Variants in ANO2 observed in about 807,000 individuals in gnomAD.
ANO2 encodes anoctamin 2, also known as anoctamin-2.
Under a neutral mutation model 124.2 loss-of-function variants are expected in ANO2, and 101 were observed. The ratio of observed to expected loss-of-function variants is 0.81; its 90% confidence interval spans 0.69 to 0.96. The LOEUF (loss-of-function observed/expected upper bound fraction) is 0.96, where lower values mean the gene tolerates loss of function less well. Among genes scored for constraint, ANO2 ranks in the 40% least tolerant of loss-of-function variants. The probability of loss-of-function intolerance (pLI) is 0.00; values close to 1 mark genes in which losing one functional copy is unlikely to be tolerated. For synonymous variants in ANO2, 486 were observed against 482.5 expected (o/e 1.01, Z -0.09); for missense variants, 1,293 against 1,274.5 (o/e 1.01, Z -0.22).
intron 3 of ANO2, chr12:5,858,642 G>C (rs1955178902): frequency 6.6e-6 from 1 of 152,346 alleles, no homozygotes; most frequent in South Asian, 2.1e-4. Flanking sequence ...GATGAGAAAT[G>C]TTGCATGGCT....
intron 14 of ANO2, among the ~76,000 whole-genome samples, chr12:5,725,707 C>T (rs938894305): frequency 5.3e-5 from 8 of 152,032 alleles, no homozygotes; most frequent in African/African-American, 1.2e-4. Flanking sequence ...TCTGGTAAGG[C>T]CAGCTCTGCT....
Position 5,727,315 on chromosome 12 carries a change from G to A in ANO2, c.1545+5205C>T, listed in dbSNP as rs146033845. 7.7e-3 allele frequency among the ~76,000 whole-genome samples: 1,165 copies of A among 151,790 alleles called. 19 individuals are homozygous for A. The highest frequency in any genetic ancestry group is 0.026 in the African/African-American group (1,070 of 41,390). On this transcript the variant is annotated intron_variant, in intron 14 of 24. Coordinates refer to ENST00000682330, the MANE Select transcript of ANO2 (RefSeq NM_001364791.2). ...TATGTGACGTGCCTGCTCCCCCTTC[G>A]CCTTCCACAATGATTATAAACTTCC... is the stretch of plus-strand genomic sequence containing the variant.
intron 3 of ANO2, among the ~76,000 whole-genome samples, chr12:5,882,376 A>T (rs1439737708): frequency 6.6e-6 from 1 of 152,212 alleles, no homozygotes; most frequent in Non-Finnish European, 1.5e-5. Flanking sequence ...CTTCCTCTTG[A>T]GAAGTTTCTA....
chr12:5,578,144 A>C (rs1446032587), intron 21 of ANO2, 137 bp from the exon 22 acceptor site: 6 of 1,285,640 alleles, frequency 4.7e-6, no homozygotes, highest in Non-Finnish European at 6.5e-6. Context: ...GCTTGTCTGG[A>C]AAGGCTTAGG....
chr12:5,879,757 G>C (rs12296502), intron 3 of ANO2, among the ~76,000 whole-genome samples: 1 of 152,176 alleles, frequency 6.6e-6, no homozygotes, highest in African/African-American at 2.4e-5. Flanking sequence ...TTTGACTCCA[G>C]CCTAGGGTGT....
intron 23 of ANO2, among the ~76,000 whole-genome samples, chr12:5,571,020 A>G (rs961689973): frequency 2.0e-5 from 3 of 152,112 alleles, no homozygotes; most frequent in Non-Finnish European, 2.9e-5. Context: ...GCTGGAAGGG[A>G]GCACCCCTCT....
At chr12:5,819,288 G>A (rs1247713547) in intron 7 of ANO2, among the ~76,000 whole-genome samples, 2 of 152,138 alleles carry the variant, frequency 1.3e-5, no homozygotes, top group South Asian at 2.1e-4. Context: ...CCACGAGAAG[G>A]TGCACTACAT....
At chr12:5,796,759 C>G (rs1952874829) in intron 10 of ANO2, among the ~76,000 whole-genome samples, 1 of 152,200 alleles carries the variant, frequency 6.6e-6, no homozygotes, top group African/African-American at 2.4e-5. Flanking sequence ...TGTGGACTTT[C>G]AACATCCAGG....
chr12:5,812,944 GGAAGGAAA>G (rs1953475775), intron 7 of ANO2, among the ~76,000 whole-genome samples: 1 of 122,322 alleles, frequency 8.2e-6, no homozygotes, highest in African/African-American at 3.2e-5. Context: ...GAGGAAGGAA[GGAAGGAAA>G]GAAGGAAGAG....
intron 7 of ANO2, among the ~76,000 whole-genome samples, chr12:5,810,137 C>T (rs962283155): frequency 6.6e-6 from 1 of 152,164 alleles, no homozygotes; most frequent in African/African-American, 2.4e-5. Flanking sequence ...CTGTGTACTC[C>T]CTACTTTTCA....
At chr12:5,919,653 G>A (rs575041622) in intron 3 of ANO2, among the ~76,000 whole-genome samples, 1 of 152,298 alleles carries the variant, frequency 6.6e-6, no homozygotes, top group South Asian at 2.1e-4. Context: ...GGTAGGGAGG[G>A]TGGGAAGGGT....
intron 12 of ANO2, among the ~76,000 whole-genome samples, chr12:5,743,094 T>C (rs536402059): frequency 5.3e-5 from 8 of 151,816 alleles, no homozygotes; most frequent in African/African-American, 1.4e-4. Flanking sequence ...CAAGTGAAGG[T>C]CCCCACAGGG....
intron 10 of ANO2, among the ~76,000 whole-genome samples, chr12:5,761,850 G>A (rs1436019850): frequency 6.6e-6 from 1 of 152,062 alleles, no homozygotes; most frequent in Non-Finnish European, 1.5e-5. Context: ...TGAGTTAGCA[G>A]CAAACAAAAC....
intron 14 of ANO2, among the ~76,000 whole-genome samples, chr12:5,682,652 T>C (rs1311522246): frequency 6.6e-6 from 1 of 152,196 alleles, no homozygotes; most frequent in African/African-American, 2.4e-5. Flanking sequence ...GGAAGAGCCC[T>C]GTATGTGAAG....
At chr12:5,609,653 G>A (rs916799283) in intron 19 of ANO2, among the ~76,000 whole-genome samples, 2 of 151,938 alleles carry the variant, frequency 1.3e-5, no homozygotes, top group Admixed American at 6.6e-5. Flanking sequence ...ACATCCTTTA[G>A]TGGTTCCATT....
chr12:5,764,965 A>G (rs10735054), intron 10 of ANO2, among the ~76,000 whole-genome samples: 152,285 of 152,322 alleles, frequency 1, 76,124 homozygotes, highest in Non-Finnish European at 1. Context: ...AAAGGAAGGA[A>G]TAGGATATTG....
intron 7 of ANO2, among the ~76,000 whole-genome samples, chr12:5,827,163 T>C (rs1037017835): frequency 4.6e-5 from 7 of 152,234 alleles, no homozygotes; most frequent in African/African-American, 1.7e-4. Context: ...GGATCTGGAC[T>C]GCCTGCCTTA....
chr12:5,844,229 T>C (rs1337215103), intron 4 of ANO2, among the ~76,000 whole-genome samples: 1 of 151,412 alleles, frequency 6.6e-6, no homozygotes, highest in African/African-American at 2.4e-5. Flanking sequence ...TGGACGAGAG[T>C]CTAAATCAGG....
chr12:5,780,649 CAG>C (rs937000686), intron 10 of ANO2, among the ~76,000 whole-genome samples: 1 of 152,168 alleles, frequency 6.6e-6, no homozygotes, highest in Non-Finnish European at 1.5e-5. Context: ...GCAACAACCA[CAG>C]AGAGAGAGTC....
Sources: allele counts gnomAD v4.1 joint callset (sites outside exome capture counted in the v4.1 genomes callset), GRCh38; gene constraint gnomAD v4.1.1; transcripts MANE v1.5; gene names NCBI Gene and HGNC (gene_info 2026-07-23, HGNC 2026-07-21).